The following TMEM131 variants were observed in gnomAD, a reference collection of about 807,000 sequenced individuals.
The protein encoded by TMEM131 is 2610524E03Rik.
Under a neutral mutation model 211.6 loss-of-function variants are expected in TMEM131, and 66 were observed. The ratio of observed to expected loss-of-function variants is 0.31; its 90% confidence interval spans 0.26 to 0.38. The LOEUF is 0.38. Among genes scored for constraint, TMEM131 ranks in the 10% least tolerant of loss-of-function variants. The pLI is 1.00. For missense variants in TMEM131, 2,036 were observed against 2,299.3 expected (o/e 0.89, Z 2.34); for synonymous variants, 844 against 841.3 (o/e 1.00, Z -0.06).
chr2:97,806,194 A>C (rs1325041288), intron 19 of TMEM131, among the ~76,000 whole-genome samples: 1 of 152,244 alleles, frequency 6.6e-6, no homozygotes, highest in Non-Finnish European at 1.5e-5. Context: ...TTTGTATCAA[A>C]GAGAAATTAC....
intron 1 of TMEM131, among the ~76,000 whole-genome samples, chr2:97,950,856 T>C (rs113450773): frequency 6.6e-6 from 1 of 152,158 alleles, no homozygotes; most frequent in African/African-American, 2.4e-5. Context: ...TTTTAGCCAA[T>C]AAGGATTAAA....
At chr2:97,798,649 C>T (rs1012984667) in intron 25 of TMEM131, among the ~76,000 whole-genome samples, 3 of 152,206 alleles carry the variant, frequency 2.0e-5, no homozygotes, top group African/African-American at 7.2e-5. Flanking sequence ...AATGTGCCTA[C>T]AAAAAGTAGG....
At chr2:97,941,439 A>G (rs1335883752) in intron 1 of TMEM131, among the ~76,000 whole-genome samples, 2 of 152,246 alleles carry the variant, frequency 1.3e-5, no homozygotes, top group East Asian at 3.8e-4. Context: ...CTAAAACACC[A>G]AAAGCAATGG....
chr2:97,885,969 C>T (rs578069869), intron 4 of TMEM131, among the ~76,000 whole-genome samples: 80 of 152,038 alleles, frequency 5.3e-4, no homozygotes, highest in Non-Finnish European at 7.5e-4. Context: ...ACCCTTTTTT[C>T]TTTTTTTGTC....
chr2:97,801,742 T>C (rs1320441431), intron 25 of TMEM131, among the ~76,000 whole-genome samples, 153 bp downstream of exon 25: 2 of 152,184 alleles, frequency 1.3e-5, no homozygotes, highest in Non-Finnish European at 2.9e-5. Flanking sequence ...TCCTGATTTA[T>C]TTTGCCTCTG....
At chr2:97,766,346 G>A in intron 34 of TMEM131, 83 bp from the exon 35 acceptor site, 3 of 1,600,892 alleles carry the variant, frequency 1.9e-6, no homozygotes, top group Non-Finnish European at 2.6e-6. Flanking sequence ...TTCTAATGAG[G>A]ACAAGAACAC....
chr2:97,774,100 T>C (rs1573337538), intron 32 of TMEM131, among the ~76,000 whole-genome samples: 1 of 152,268 alleles, frequency 6.6e-6, no homozygotes, highest in East Asian at 1.9e-4. Flanking sequence ...TCTATTTAAC[T>C]GTCAAGAGTA....
chr2:97,756,826 C>T lies in TMEM131; in HGVS notation c.*273G>A, dbSNP rs1395282016. Reference sequence around the variant, plus strand: ...AAGACAGGTGGTGAAAACGCAGTAACGGGAAAGGTTCTCAGATGTACAGGT... The same window carrying T: ...AAGACAGGTGGTGAAAACGCAGTAATGGGAAAGGTTCTCAGATGTACAGGT... On this transcript the variant is annotated 3_prime_UTR_variant, in exon 41 of 41. Coordinates refer to ENST00000186436, the MANE Select transcript of TMEM131 (RefSeq NM_015348.2). The T allele has an allele frequency of 1.8e-5, 5 of 283,992 alleles. No individual in the cohort carries two copies. Among genetic ancestry groups the T allele is most frequent in the Admixed American group, 5.1e-5 (1 of 19,628 alleles). The allele number at this position is 283,992 out of a possible 1,614,324, so 17.6% of individuals were successfully genotyped here. A position where few individuals can be genotyped will look rare whatever the true frequency, so the allele number is the denominator to read the frequency against.
intron 11 of TMEM131, among the ~76,000 whole-genome samples, chr2:97,823,541 A>C (rs1682226536): frequency 6.6e-6 from 1 of 152,192 alleles, no homozygotes; most frequent in African/African-American, 2.4e-5. Flanking sequence ...TGTCTTAGCC[A>C]AGTAAATGAT....
At chr2:97,818,779 C>G in intron 11 of TMEM131, 58 bp from the exon 12 acceptor site, 1 of 1,100,456 alleles carries the variant, frequency 9.1e-7, no homozygotes. Context: ...GTTCAGTTGC[C>G]TTATACTTAT....
At chr2:97,825,347 C>G (rs1238858197) in intron 11 of TMEM131, among the ~76,000 whole-genome samples, 1 of 152,210 alleles carries the variant, frequency 6.6e-6, no homozygotes, top group Non-Finnish European at 1.5e-5. Context: ...TTGCCTACAG[C>G]AGGTCAAATA....
chr2:97,966,848 C>T (rs1679080838), intron 1 of TMEM131, among the ~76,000 whole-genome samples: 1 of 152,100 alleles, frequency 6.6e-6, no homozygotes. Context: ...CAGTCAAGCC[C>T]ATATTCCAAG....
At chr2:97,981,028 CAAAAAAAAAAAAAAAAAAAAA>C (rs57606185) in intron 1 of TMEM131, among the ~76,000 whole-genome samples, 46 of 37,970 alleles carry the variant, frequency 1.2e-3, no homozygotes, top group African/African-American at 3.3e-3. Flanking sequence ...AACTACACAC[CAAAAAAAAAAAAAAAAAAAAA>C]AAAAAAAAAA....
intron 1 of TMEM131, among the ~76,000 whole-genome samples, chr2:97,988,377 A>G (rs1680120478): frequency 1.3e-5 from 2 of 152,264 alleles, no homozygotes; most frequent in South Asian, 2.1e-4. Context: ...GCATAGGGAA[A>G]AAGTTCATGA....
At chr2:97,816,000 T>C (rs958439457) in intron 12 of TMEM131, among the ~76,000 whole-genome samples, 18 of 152,198 alleles carry the variant, frequency 1.2e-4, no homozygotes, top group Admixed American at 1.2e-3. Context: ...TCATATTATA[T>C]TGTCCTCATC....
intron 1 of TMEM131, among the ~76,000 whole-genome samples, chr2:97,966,264 C>G (rs957687552): frequency 6.5e-4 from 99 of 152,044 alleles, no homozygotes; most frequent in Middle Eastern, 6.8e-3. Flanking sequence ...AGGTGTCTGG[C>G]ATTCGACTCA....
intron 28 of TMEM131, 40 bp from the exon 29 acceptor site, chr2:97,795,155 T>G: frequency 6.7e-7 from 1 of 1,499,670 alleles, no homozygotes; most frequent in Non-Finnish European, 9.1e-7. Flanking sequence ...GTTTTAAAAA[T>G]ATCTCACAAG....
chr2:97,802,702 T>C lies in TMEM131; in HGVS notation c.2491A>G (p.Ser831Gly), dbSNP rs1165254138. 2 of 1,609,542 alleles carry C rather than the reference T, an allele frequency of 1.2e-6. No homozygotes were observed. Among genetic ancestry groups the C allele is most frequent in the Non-Finnish European group, 8.5e-7 (1 of 1,178,026 alleles). Residue 831 changes from serine to glycine, a missense_variant, in exon 23 of 41, where the codon AGC (serine) becomes GGC (glycine). Coordinates refer to ENST00000186436, the MANE Select transcript of TMEM131 (RefSeq NM_015348.2). ...TAELSWPSIL[S>G]SPRHLKFPLT... is the part of the protein sequence containing the mutation. ...GGAAATTTCAAGTGCCGGGGTGAGCTAAGTATGGAAGGCCAGGAGAGCTCA... is the reference window on the plus strand; with the variant it reads ...GGAAATTTCAAGTGCCGGGGTGAGCCAAGTATGGAAGGCCAGGAGAGCTCA...
intron 1 of TMEM131, among the ~76,000 whole-genome samples, chr2:97,981,575 C>T (rs1480614024): frequency 1.3e-5 from 2 of 152,124 alleles, no homozygotes; most frequent in African/African-American, 2.4e-5. Context: ...GATGAAAAGC[C>T]TATCAATTTT....
Sources: gnomAD v4.1 joint callset for allele counts (sites outside exome capture counted in the v4.1 genomes callset) on GRCh38, gnomAD v4.1.1 for gene constraint, MANE v1.5 for transcripts, NCBI Gene and HGNC (gene_info 2026-07-23, HGNC 2026-07-21) for gene names.